Variants in ANAPC5 observed in about 807,000 individuals in gnomAD.
The protein encoded by ANAPC5 is anaphase-promoting complex subunit 5.
ANAPC5 carries 60 observed loss-of-function variants against 91.3 expected under a neutral mutation model. The observed-to-expected ratio is 0.66, with a 90% CI of 0.53 to 0.81. The LOEUF is 0.81. ANAPC5 is among the 40% of genes least tolerant of loss of function. ANAPC5 has a pLI of 0.00. For missense variants in ANAPC5, 690 were observed against 931.5 expected (o/e 0.74, Z 3.37); for synonymous variants, 340 against 364.1 (o/e 0.93, Z 0.75).
intron 11 of ANAPC5, among the ~76,000 whole-genome samples, chr12:121,323,865 T>C (rs980151077): frequency 7.2e-5 from 11 of 152,110 alleles, no homozygotes; most frequent in African/African-American, 2.7e-4. Flanking sequence ...CATGGGGATA[T>C]AGATCCTGCA....
intron 13 of ANAPC5, 40 bp from the exon 14 acceptor site, chr12:121,318,648 T>C: frequency 6.7e-7 from 1 of 1,503,384 alleles, no homozygotes; most frequent in Non-Finnish European, 9.2e-7. Context: ...TTTTAACTAG[T>C]CACTTTGAGG....
chr12:121,346,821 C>G, intron 3 of ANAPC5, 75 bp downstream of exon 3: 1 of 863,634 alleles, frequency 1.2e-6, no homozygotes. Flanking sequence ...TATAGCAGAA[C>G]AATGATAGAC....
At chr12:121,326,622 C>T (rs1902829446) in intron 11 of ANAPC5, 1 of 152,292 alleles carries the variant, frequency 6.6e-6, no homozygotes, top group African/African-American at 2.4e-5. Context: ...GATTTAGCTC[C>T]CAGGACCTCA....
rs943702330 is a variant in ANAPC5, at chr12:121,341,592, G to T, written c.657+411C>A. ...ATGAAATGGTGGCTGAATAGAGAGT[G>T]GTTAGATAAGTAATAAATAGAACAA... On this transcript the variant is annotated intron_variant, in intron 5 of 16. Coordinates refer to ENST00000261819, the MANE Select transcript of ANAPC5 (RefSeq NM_016237.5). 3.3e-5 allele frequency among the ~76,000 whole-genome samples: 5 copies of T among 152,126 alleles called. No individual in the cohort carries two copies. The East Asian group carries it at 9.6e-4, about 29-fold the overall frequency.
In ANAPC5 at chr12:121,331,440, C is replaced by T. The variant is rs112450644; in HGVS notation, c.951-12G>A. 6.2e-7 allele frequency: 1 copy of T among 1,602,386 alleles called. No homozygotes were observed. The highest frequency in any genetic ancestry group is 8.5e-7 in the Non-Finnish European group (1 of 1,170,306). On this transcript the variant is annotated splice_polypyrimidine_tract_variant and intron_variant, in intron 7 of 16. Coordinates refer to ENST00000261819, the MANE Select transcript of ANAPC5 (RefSeq NM_016237.5). ...GCTCTGCCTGTTGACTAATGACAGA[C>T]TAAACATTAATATCCCATTAATAAT...
chr12:121,311,361 A>T (rs2136752431), intron 15 of ANAPC5, among the ~76,000 whole-genome samples: 1 of 152,368 alleles, frequency 6.6e-6, no homozygotes, highest in South Asian at 2.1e-4. Flanking sequence ...CTATATGAGT[A>T]TCATACAATA....
At chr12:121,340,403 A>G (rs958471785) in intron 5 of ANAPC5, among the ~76,000 whole-genome samples, 1 of 152,082 alleles carries the variant, frequency 6.6e-6, no homozygotes, top group African/African-American at 2.4e-5. Flanking sequence ...TAACCCTGTA[A>G]TCCATCTGTA....
intron 11 of ANAPC5, among the ~76,000 whole-genome samples, chr12:121,322,479 A>T (rs1902655366): frequency 6.6e-6 from 1 of 152,212 alleles, no homozygotes; most frequent in African/African-American, 2.4e-5. Flanking sequence ...TTTATAAATT[A>T]CTTATAACAC....
chr12:121,318,111 A>C (rs1353525854), intron 15 of ANAPC5, 166 bp downstream of exon 15: 12 of 746,672 alleles, frequency 1.6e-5, no homozygotes, highest in Non-Finnish European at 2.3e-5. Context: ...CACCAGGTTC[A>C]CACCTCCACA....
intron 8 of ANAPC5, chr12:121,331,086 T>G (rs556782030): frequency 6.7e-5 from 29 of 431,138 alleles, no homozygotes; most frequent in Non-Finnish European, 1.2e-4. Flanking sequence ...GTGCTAAATG[T>G]GATAAAGGTT....
At chr12:121,350,071 G>A (rs1336378588) in intron 1 of ANAPC5, among the ~76,000 whole-genome samples, 1 of 152,024 alleles carries the variant, frequency 6.6e-6, no homozygotes, top group Non-Finnish European at 1.5e-5. Flanking sequence ...TATAGTAATA[G>A]CAGACGTGGC....
intron 16 of ANAPC5, among the ~76,000 whole-genome samples, chr12:121,309,326 T>C (rs1902065854): frequency 6.7e-6 from 1 of 149,798 alleles, no homozygotes. Flanking sequence ...CGCCTTTACA[T>C]ATTCAGGAGG....
At position 121,318,326 on chromosome 12, in the gene ANAPC5, C is replaced by A; in HGVS notation, c.1844G>T (p.Arg615Leu). 1 of 1,599,638 alleles carries A rather than the reference C, an allele frequency of 6.3e-7. No individual in the cohort carries two copies. The highest frequency in any genetic ancestry group is 8.5e-7 in the Non-Finnish European group (1 of 1,174,858). ...TGTTTCAGAGGCCAAGTACTGTAAC[C>A]GGTACTCCTTGGAGAGGGCCAGAGC... ...LQALALSKEY[R>L]LQYLASETVL... The change falls in exon 15 of 17, where the codon CGG becomes CTG. Residue 615 changes from arginine to leucine, a missense_variant. This residue lies in a region of ANAPC5 where 317 missense variants were observed against 438.7 expected (regional missense o/e 0.72). Transcript: ENST00000261819.
Position 121,330,680 on chromosome 12 carries a change from G to C in ANAPC5, c.1033-8C>G, listed in dbSNP as rs182826414. 180 of 1,612,074 alleles carry C rather than the reference G, an allele frequency of 1.1e-4. No individual in the cohort carries two copies. The East Asian group carries it at 3.9e-3, about 35-fold the overall frequency. ...CAGCACATAAAGCCAGCTCTGGCAA[G>C]AGAAATCATCAAAATATATCATAAC... On this transcript the variant is annotated splice_region_variant and splice_polypyrimidine_tract_variant and intron_variant, in intron 8 of 16. Transcript: ENST00000261819.
At position 121,318,432 on chromosome 12, in the gene ANAPC5, TA is replaced by T; in HGVS notation, c.1746-9del. On this transcript the variant is annotated splice_polypyrimidine_tract_variant and intron_variant, in intron 14 of 16. Transcript: ENST00000261819. ...GCCACGGACAGTAGGACACTGACCG[TA>T]AAGAGGAAAACACAGGATGAGAAGA... The T allele has an allele frequency of 6.2e-7, 1 of 1,610,734 alleles. No homozygotes were observed. Among genetic ancestry groups the T allele is most frequent in the South Asian group, 1.1e-5 (1 of 90,760 alleles).
At position 121,308,283 on chromosome 12, in the gene ANAPC5, GT is replaced by G. The variant is rs548956815; in HGVS notation, c.*196del. The G allele has an allele frequency of 8.7e-4, 489 of 560,262 alleles. 3 individuals carry two copies. Among genetic ancestry groups the G allele is most frequent in the African/African-American group, 8.4e-3 (446 of 53,374 alleles). 34.7% of individuals were successfully genotyped at this position (560,262 alleles called of 1,614,324 possible). A position where few individuals can be genotyped will look rare whatever the true frequency, so the allele number is the denominator to read the frequency against. On this transcript the variant is annotated 3_prime_UTR_variant, in exon 17 of 17. Transcript: ENST00000261819. ...ACCCATTTATTAAGAAAAAGTTGGTGTCCTTTGCTACCAAAAGGGAAGAAAA... is the reference window on the plus strand; with the variant it reads ...ACCCATTTATTAAGAAAAAGTTGGTGCCTTTGCTACCAAAAGGGAAGAAAA...
chr12:121,347,072 C>T, intron 2 of ANAPC5, 67 bp from the exon 3 acceptor site: 1 of 879,548 alleles, frequency 1.1e-6, no homozygotes, highest in Non-Finnish European at 1.7e-6. Flanking sequence ...GTTTCATATT[C>T]CTCAATTACC....
At chr12:121,316,641 G>A (rs1424807800) in intron 15 of ANAPC5, among the ~76,000 whole-genome samples, 1 of 148,042 alleles carries the variant, frequency 6.8e-6, no homozygotes, top group African/African-American at 2.5e-5. Flanking sequence ...GCTGAGGCAG[G>A]AGAATGGCAT....
chr12:121,324,793 T>C (rs782210294), intron 11 of ANAPC5, among the ~76,000 whole-genome samples: 1 of 152,074 alleles, frequency 6.6e-6, no homozygotes, highest in Non-Finnish European at 1.5e-5. Context: ...TCCCAGCTAC[T>C]AGGCAGGTTG....
Sources: allele counts gnomAD v4.1 joint callset (sites outside exome capture counted in the v4.1 genomes callset), GRCh38; gene constraint gnomAD v4.1.1; regional missense constraint gnomAD v4.1.1; transcripts MANE v1.5; gene names NCBI Gene and HGNC (gene_info 2026-07-23, HGNC 2026-07-21).